The following FYB1 variants were observed in gnomAD, a reference collection of about 807,000 sequenced individuals.
The protein encoded by FYB1 is FYN-binding protein 1.
In FYB1, 41 loss-of-function variants were observed where a neutral mutation model predicts 94.1. The observed-to-expected ratio is 0.44, with a 90% CI of 0.34 to 0.57. The LOEUF (loss-of-function observed/expected upper bound fraction) is 0.57, where lower values mean the gene tolerates loss of function less well. FYB1 is among the 20% of genes least tolerant of loss of function. The probability of loss-of-function intolerance (pLI) is 0.02; values close to 1 mark genes in which losing one functional copy is unlikely to be tolerated. For synonymous variants in FYB1, 367 were observed against 353.2 expected, an observed-to-expected ratio of 1.04 and a Z score of -0.44; for missense variants, 1,050 against 976.8, an observed-to-expected ratio of 1.07 and a Z score of -1.00.
intron 4 of FYB1, 69 bp downstream of exon 4, chr5:39,141,026 G>T: frequency 9.2e-7 from 1 of 1,088,646 alleles, no homozygotes; most frequent in Non-Finnish European, 1.4e-6. Flanking sequence ...GAGCCTATAA[G>T]AATGAATAGC....
intron 3 of FYB1, among the ~76,000 whole-genome samples, chr5:39,152,020 G>A (rs1289294931): frequency 6.6e-6 from 1 of 152,168 alleles, no homozygotes; most frequent in Admixed American, 6.5e-5. Flanking sequence ...CTAACCCAGA[G>A]ATTTCTTCGT....
Position 39,219,544 on chromosome 5 carries a change from A to C in FYB1, c.-129T>G. ...CTTCTAGCTGTCGCATCTGCTCTGC[A>C]TGTGGAACTCAAGAACTGCGGAGCT... is the stretch of plus-strand genomic sequence containing the variant. On this transcript the variant is annotated 5_prime_UTR_variant, in exon 1 of 19. It removes an upstream start codon present in the reference 5' UTR. Coordinates refer to ENST00000512982, the MANE Select transcript of FYB1 (RefSeq NM_001465.6). 1 of 985,440 alleles carries C rather than the reference A, an allele frequency of 1.0e-6. No individual in the cohort carries two copies. Among genetic ancestry groups the C allele is most frequent in the Non-Finnish European group, 1.2e-6 (1 of 829,938 alleles). 61.0% of individuals were successfully genotyped at this position (985,440 alleles called of 1,614,324 possible).
At position 39,148,155 on chromosome 5, in the gene FYB1, TTATATATATATATATATATATATA is replaced by T. The variant is rs10528848; in HGVS notation, c.1292+5269_1292+5292del. Among the ~76,000 whole-genome samples the T allele has an allele frequency of 1.8e-3, 66 of 37,652 alleles. 1 individual carries two copies. Among genetic ancestry groups the T allele is most frequent in the African/African-American group, 5.4e-3 (42 of 7,768 alleles). 24.7% of individuals were successfully genotyped at this position (37,652 alleles called of 152,430 possible). A position where few individuals can be genotyped will look rare whatever the true frequency, so the allele number is the denominator to read the frequency against. On this transcript the variant is annotated intron_variant, in intron 3 of 18. Coordinates refer to ENST00000512982, the MANE Select transcript of FYB1 (RefSeq NM_001465.6). Reference sequence around the variant, plus strand: ...ATTATATGTATATTATATGTATTTTTTATATATATATATATATATATATATATATATATATATATATATATATAT... The same window carrying T: ...ATTATATGTATATTATATGTATTTTTTATATATATATATATATATATATAT...
intron 2 of FYB1, among the ~76,000 whole-genome samples, chr5:39,185,597 C>CAT (rs1200033416): frequency 2.8e-5 from 4 of 141,378 alleles, no homozygotes; most frequent in East Asian, 2.0e-4. Flanking sequence ...CATATATATA[C>CAT]ATATATATAC....
intron 12 of FYB1, among the ~76,000 whole-genome samples, chr5:39,124,846 A>T (rs2150293798): frequency 6.6e-6 from 1 of 151,794 alleles, no homozygotes; most frequent in East Asian, 1.9e-4. Flanking sequence ...ATCAGAATTA[A>T]GTGGCATTTG....
chr5:39,230,667 A>C (rs1454974664), intron 1 of FYB1, among the ~76,000 whole-genome samples: 1 of 152,048 alleles, frequency 6.6e-6, no homozygotes, highest in East Asian at 1.9e-4. Context: ...AAAAAGTCCT[A>C]TCACTGTGTA....
At chr5:39,251,772 G>T (rs529070681) in intron 1 of FYB1, among the ~76,000 whole-genome samples, 1 of 152,188 alleles carries the variant, frequency 6.6e-6, no homozygotes, top group South Asian at 2.1e-4. Context: ...GAAGCAATGA[G>T]GGAAGGAATG....
chr5:39,200,707 G>C (rs1748232369), intron 2 of FYB1, among the ~76,000 whole-genome samples: 1 of 152,138 alleles, frequency 6.6e-6, no homozygotes, highest in Admixed American at 6.5e-5. Context: ...TACGAACAAG[G>C]AGAATACTGA....
At chr5:39,187,749 C>G (rs1359368355) in intron 2 of FYB1, among the ~76,000 whole-genome samples, 10 of 152,182 alleles carry the variant, frequency 6.6e-5, no homozygotes, top group Admixed American at 6.5e-4. Context: ...AGCTCTTAGA[C>G]TGACACCCAG....
At chr5:39,222,169 C>T (rs1579728582), upstream of FYB1, among the ~76,000 whole-genome samples, 1 of 151,974 alleles carries the variant, frequency 6.6e-6, no homozygotes, top group East Asian at 1.9e-4. Context: ...TAGATATGAT[C>T]TCCTTTTGAA....
chr5:39,195,597 A>G (rs1380268435), intron 2 of FYB1, among the ~76,000 whole-genome samples: 1 of 152,230 alleles, frequency 6.6e-6, no homozygotes, highest in African/African-American at 2.4e-5. Flanking sequence ...CCCTCGCCTT[A>G]CACCTGTTGC....
chr5:39,247,650 T>C (rs1346358763), intron 1 of FYB1, among the ~76,000 whole-genome samples: 1 of 152,124 alleles, frequency 6.6e-6, no homozygotes, highest in South Asian at 2.1e-4. Context: ...CCCATACATA[T>C]ATTTATAGCC....
chr5:39,273,104 G>A (rs1419378433), intron 1 of FYB1, among the ~76,000 whole-genome samples: 6 of 152,302 alleles, frequency 3.9e-5, no homozygotes, highest in Non-Finnish European at 7.3e-5. Context: ...GGGAAGTGAG[G>A]AGCCCCTCTG....
chr5:39,254,036 A>G (rs1409176335), intron 1 of FYB1, among the ~76,000 whole-genome samples: 1 of 152,056 alleles, frequency 6.6e-6, no homozygotes, highest in Non-Finnish European at 1.5e-5. Flanking sequence ...ATTATTTTTT[A>G]TGGCTCCGTA....
In FYB1 at chr5:39,135,906, GTT is replaced by G. The variant is rs1741637807; in HGVS notation, c.1516-894_1516-893del. ...AGTCCTAGTTTTGACAGACTTTTGA[GTT>G]CATATTTAATGGTATGATTTCCATA... On this transcript the variant is annotated intron_variant, in intron 7 of 18. Transcript: ENST00000512982. 2.0e-5 allele frequency among the ~76,000 whole-genome samples: 3 copies of G among 152,080 alleles called. No individual in the cohort carries two copies. The South Asian group carries it at 6.2e-4, about 32-fold the overall frequency.
chr5:39,205,044 C>T (rs1339879877), intron 1 of FYB1, among the ~76,000 whole-genome samples: 1 of 152,014 alleles, frequency 6.6e-6, no homozygotes, highest in African/African-American at 2.4e-5. Flanking sequence ...TGGGTTCTTC[C>T]CTGAACCTTC....
intron 2 of FYB1, among the ~76,000 whole-genome samples, chr5:39,175,257 A>G (rs1404109035): frequency 1.3e-5 from 2 of 152,240 alleles, no homozygotes; most frequent in African/African-American, 4.8e-5. Flanking sequence ...GAAGGAGCCC[A>G]GTTGGTAGGC....
At chr5:39,113,709 A>T (rs1305857105) in intron 16 of FYB1, among the ~76,000 whole-genome samples, 24 of 144,810 alleles carry the variant, frequency 1.7e-4, no homozygotes, top group African/African-American at 6.2e-4. Context: ...TCATCATTTC[A>T]TTTGTTGTGG....
chr5:39,128,250 A>G (rs1740867890), intron 10 of FYB1, among the ~76,000 whole-genome samples: 1 of 152,184 alleles, frequency 6.6e-6, no homozygotes, highest in Non-Finnish European at 1.5e-5. Flanking sequence ...TGAAACAGAA[A>G]GAAGTGAAAA....
Sources: gnomAD v4.1 joint callset for allele counts (sites outside exome capture counted in the v4.1 genomes callset) on GRCh38, gnomAD v4.1.1 for gene constraint, MANE v1.5 for transcripts, NCBI Gene and HGNC (gene_info 2026-07-23, HGNC 2026-07-21) for gene names.